The following BROX variants were observed in gnomAD, a reference collection of about 807,000 sequenced individuals.
The protein encoded by BROX is BRO1 domain-containing protein BROX.
A neutral mutation model predicts 61.0 loss-of-function variants in BROX; 53 were observed. That is an observed-to-expected ratio of 0.87 (90% CI 0.70 to 1.09). The LOEUF (loss-of-function observed/expected upper bound fraction) is 1.09, where lower values mean the gene tolerates loss of function less well. Among genes scored for constraint, BROX ranks in the 50% least tolerant of loss-of-function variants. The pLI, the probability that BROX is intolerant of heterozygous loss-of-function variation, is 0.00. For missense variants in BROX, 489 were observed against 472.0 expected (o/e 1.04, Z -0.33); for synonymous variants, 152 against 160.2 (o/e 0.95, Z 0.38).
intron 12 of BROX, 122 bp from the exon 13 acceptor site, chr1:222,732,506 T>C: frequency 1.6e-6 from 1 of 635,784 alleles, no homozygotes; most frequent in East Asian, 3.0e-5. Context: ...GAAATAGCTT[T>C]GTCAGTATCC....
At position 222,730,179 on chromosome 1, in the gene BROX, T is replaced by C. The variant is rs893849286; in HGVS notation, c.989+2T>C. The stretch of plus-strand genomic sequence containing the variant: ...ATGTCAGAGAGAAAATGGATTTATG[T>C]GAGTACAGTTTAATATTACTTTAGT... On this transcript the variant is annotated splice_donor_variant, in intron 11 of 12. Transcript: ENST00000340934. LOFTEE classifies it high-confidence loss of function. 18 of 1,581,150 alleles carry C rather than the reference T, an allele frequency of 1.1e-5. No homozygotes were observed. The African/African-American group carries it at 1.8e-4, about 15-fold the overall frequency.
At chr1:222,716,753 A>G (rs1010329819) in intron 2 of BROX, among the ~76,000 whole-genome samples, 1 of 152,236 alleles carries the variant, frequency 6.6e-6, no homozygotes, top group Admixed American at 6.5e-5. Context: ...GCACTTTCCA[A>G]AAAAATATTT....
rs760427631 is a variant in BROX, at chr1:222,719,076, A to G, written c.208+45A>G. The G allele has an allele frequency of 2.7e-6, 4 of 1,504,424 alleles. No individual in the cohort carries two copies. In the South Asian group the frequency reaches 3.5e-5, roughly 13 times the overall value. The allele number at this position is 1,504,424 out of a possible 1,614,324, so 93.2% of individuals were successfully genotyped here. A position where few individuals can be genotyped will look rare whatever the true frequency, so the allele number is the denominator to read the frequency against. On this transcript the variant is annotated intron_variant, in intron 3 of 12. Coordinates refer to ENST00000340934, the MANE Select transcript of BROX (RefSeq NM_144695.4). ...TTGAGGTTTTTTAAAAAACTGTCTA[A>G]AAGTTTACATTTAATTCTTTGACTT... is the stretch of plus-strand genomic sequence containing the variant.
At chr1:222,723,040 T>C (rs533846698) in intron 5 of BROX, among the ~76,000 whole-genome samples, 1 of 152,336 alleles carries the variant, frequency 6.6e-6, no homozygotes, top group East Asian at 1.9e-4. Flanking sequence ...CTATAGTGGA[T>C]ACAGCAATAG....
At chr1:222,728,157 T>C (rs2125035084) in intron 8 of BROX, among the ~76,000 whole-genome samples, 1 of 152,288 alleles carries the variant, frequency 6.6e-6, no homozygotes, top group South Asian at 2.1e-4. Flanking sequence ...GTATTAGAGA[T>C]AGGCTTGCTA....
At chr1:222,728,153 G>A (rs1293979488) in intron 8 of BROX, among the ~76,000 whole-genome samples, 1 of 152,142 alleles carries the variant, frequency 6.6e-6, no homozygotes, top group African/African-American at 2.4e-5. Context: ...TGCAGTATTA[G>A]AGATAGGCTT....
At chr1:222,730,536 C>A (rs1657857274) in intron 11 of BROX, among the ~76,000 whole-genome samples, 1 of 152,116 alleles carries the variant, frequency 6.6e-6, no homozygotes, top group Non-Finnish European at 1.5e-5. Context: ...GTCAAGGCTG[C>A]ACTGAGCCAT....
chr1:222,713,173 C>T, intron 1 of BROX: 1 of 983,044 alleles, frequency 1.0e-6, no homozygotes, highest in Non-Finnish European at 1.2e-6. Context: ...CCCCGCATCT[C>T]CATTGGTCAT....
At position 222,734,468 on chromosome 1, in the gene BROX, A is replaced by G. The variant is rs953178602; in HGVS notation, c.*1754A>G. 3 of 152,234 alleles carry G rather than the reference A, an allele frequency of 2.0e-5. No homozygotes were observed. Among genetic ancestry groups the G allele is most frequent in the African/African-American group, 7.2e-5 (3 of 41,464 alleles). 9.4% of individuals were successfully genotyped at this position (152,234 alleles called of 1,614,324 possible). ...TATATCATAGTTTACACTCCTTAAA[A>G]AAAGGTACATAAATTCAGTGAGGTT... On this transcript the variant is annotated 3_prime_UTR_variant, in exon 13 of 13. Transcript: ENST00000340934.
At chr1:222,732,239 G>A (rs1657990954) in intron 12 of BROX, among the ~76,000 whole-genome samples, 1 of 151,766 alleles carries the variant, frequency 6.6e-6, no homozygotes, top group South Asian at 2.1e-4. Context: ...TATACTTTAA[G>A]TTTTAGGGTA....
chr1:222,729,970 G>A, intron 10 of BROX, 57 bp from the exon 11 acceptor site: 1 of 1,512,348 alleles, frequency 6.6e-7, no homozygotes, highest in Non-Finnish European at 8.9e-7. Context: ...AGCCTTGTAG[G>A]GATAAATAGG....
chr1:222,725,556 G>A lies in BROX; in HGVS notation c.580+1G>A, dbSNP rs770334158. On this transcript the variant is annotated splice_donor_variant, in intron 7 of 12. Transcript: ENST00000340934. LOFTEE classifies it high-confidence loss of function. ...CAATGTCAGGCTGAAGCTCAAGAAG[G>A]TATCCTAAATATTGTAAGATTTTTT... 6.3e-7 allele frequency: 1 copy of A among 1,588,404 alleles called. No homozygotes were observed. The highest frequency in any genetic ancestry group is 1.4e-5 in the African/African-American group (1 of 73,688).
intron 1 of BROX, 104 bp downstream of exon 1, chr1:222,713,046 C>A: frequency 9.3e-7 from 1 of 1,070,788 alleles, no homozygotes; most frequent in Non-Finnish European, 1.1e-6. Flanking sequence ...TCCATAGACC[C>A]CTGGACAGTG....
chr1:222,728,679 GAACTAAA>G, intron 8 of BROX, 57 bp from the exon 9 acceptor site: 2 of 1,033,658 alleles, frequency 1.9e-6, no homozygotes, highest in Non-Finnish European at 2.9e-6. Flanking sequence ...CAGAACACAT[GAACTAAA>G]AGTCTTCTAG....
chr1:222,712,832 C>T lies in BROX; in HGVS notation c.-127C>T. On this transcript the variant is annotated 5_prime_UTR_variant, in exon 1 of 13. Transcript: ENST00000340934. The stretch of plus-strand genomic sequence containing the variant: ...TTGGCGCCGTCCTGGTTTTCCGTCA[C>T]CCTGGTTCTGTAGTCTCGGTTCTCC... The T allele has an allele frequency of 7.8e-7, 1 of 1,287,950 alleles. No homozygotes were observed. The highest frequency in any genetic ancestry group is 1.2e-5 in the South Asian group (1 of 80,758). The allele number at this position is 1,287,950 out of a possible 1,614,324, so 79.8% of individuals were successfully genotyped here. A position where few individuals can be genotyped will look rare whatever the true frequency, so the allele number is the denominator to read the frequency against.
intron 11 of BROX, among the ~76,000 whole-genome samples, chr1:222,730,471 G>C (rs1197670227): frequency 6.6e-6 from 1 of 151,998 alleles, no homozygotes; most frequent in East Asian, 1.9e-4. Flanking sequence ...GGTGGCACAC[G>C]CCTGTAAATC....
intron 9 of BROX, among the ~76,000 whole-genome samples, chr1:222,729,405 T>C (rs543300359): frequency 5.0e-4 from 76 of 152,292 alleles, no homozygotes; most frequent in South Asian, 1.9e-3. Flanking sequence ...AGCAAATAAC[T>C]TTTTCTCAGT....
At chr1:222,713,387 G>GGGCGCTCAGAGCTCGGGGGC in intron 1 of BROX, 5 of 985,584 alleles carry the variant, frequency 5.1e-6, no homozygotes, top group Non-Finnish European at 6.0e-6. Flanking sequence ...AACAGGAAGT[G>GGGCGCTCAGAGCTCGGGGGC]GGCGCTCAGA....
At chr1:222,720,623 C>G (rs1255604745) in intron 4 of BROX, among the ~76,000 whole-genome samples, 1 of 151,944 alleles carries the variant, frequency 6.6e-6, no homozygotes, top group East Asian at 1.9e-4. Context: ...ACCAGCCTGG[C>G]CAACGTGGTA....
Sources: allele counts gnomAD v4.1 joint callset (sites outside exome capture counted in the v4.1 genomes callset), GRCh38; gene constraint gnomAD v4.1.1; transcripts MANE v1.5; gene names NCBI Gene and HGNC (gene_info 2026-07-23, HGNC 2026-07-21).